Variants in IL20RA observed in about 807,000 individuals in gnomAD.
IL20RA encodes interleukin 20 receptor subunit alpha.
Under a neutral mutation model 36.5 loss-of-function variants are expected in IL20RA, and 29 were observed. The observed-to-expected ratio is 0.79, with a 90% CI of 0.59 to 1.08. The LOEUF (loss-of-function observed/expected upper bound fraction) is 1.08. IL20RA is among the 50% of genes least tolerant of loss of function. The probability of loss-of-function intolerance (pLI) is 0.00; values close to 1 mark genes in which losing one functional copy is unlikely to be tolerated. For missense variants in IL20RA, 652 were observed against 668.4 expected (o/e 0.98, Z 0.27); for synonymous variants, 279 against 267.1 (o/e 1.04, Z -0.43).
intron 1 of IL20RA, chr6:137,037,873 G>A (rs1643042303): frequency 6.6e-6 from 1 of 152,206 alleles, no homozygotes; most frequent in Admixed American, 6.5e-5. Context: ...TTAGAATGAG[G>A]ACTAACAGTG....
chr6:137,041,780 T>C (rs1435190654), intron 1 of IL20RA, among the ~76,000 whole-genome samples: 7 of 151,828 alleles, frequency 4.6e-5, no homozygotes, highest in African/African-American at 7.3e-5. Context: ...TTTTCCTCTT[T>C]GGGGATTTAG....
intron 1 of IL20RA, among the ~76,000 whole-genome samples, chr6:137,029,998 A>G (rs541583169): frequency 6.6e-6 from 1 of 150,542 alleles, no homozygotes; most frequent in Admixed American, 6.6e-5. Flanking sequence ...AGAGCATTAG[A>G]GAAAGGGAGG....
intron 1 of IL20RA, among the ~76,000 whole-genome samples, chr6:137,026,883 T>C (rs145671675): frequency 2.0e-3 from 302 of 152,138 alleles, no homozygotes; most frequent in African/African-American, 6.6e-3. Flanking sequence ...AAAAAGTAAG[T>C]CTTCTTTTTT....
chr6:137,028,721 A>G (rs542534083), intron 1 of IL20RA, among the ~76,000 whole-genome samples: 1 of 152,170 alleles, frequency 6.6e-6, no homozygotes, highest in Non-Finnish European at 1.5e-5. Context: ...TTTACCCACT[A>G]AAGAGAGTGT....
chr6:137,002,321 A>C lies in IL20RA; in HGVS notation c.899T>G (p.Phe300Cys). The C allele has an allele frequency of 6.2e-7, 1 of 1,602,656 alleles. No individual in the cohort carries two copies. The highest frequency in any genetic ancestry group is 8.5e-7 in the Non-Finnish European group (1 of 1,175,792). ...LIYGNEFDKR[F>C]FVPAEKIVIN... ...CACGATTTTTTCAGCAGGCACAAAG[A>C]ATCTTTTGTCAAATTCATTTCCATA... Residue 300 changes from phenylalanine (F) to cysteine (C), a missense_variant, in exon 7 of 7, where the codon TTC (phenylalanine) becomes TGC (cysteine). Phe to Cys is a radical substitution (Grantham distance 205, BLOSUM62 -2). Transcript: ENST00000316649.
At chr6:137,037,099 A>C (rs907580838) in intron 1 of IL20RA, among the ~76,000 whole-genome samples, 30 of 133,368 alleles carry the variant, frequency 2.2e-4, no homozygotes, top group African/African-American at 9.9e-4. Context: ...TATGCAGCCG[A>C]GAAGAAGCGG....
At chr6:137,023,956 C>A (rs1324849957) in intron 1 of IL20RA, among the ~76,000 whole-genome samples, 1 of 151,928 alleles carries the variant, frequency 6.6e-6, no homozygotes, top group African/African-American at 2.4e-5. Context: ...TAGCCAGATA[C>A]AGTGGCAGGC....
Position 137,001,502 on chromosome 6 carries a change from A to C in IL20RA, c.*56T>G. On this transcript the variant is annotated 3_prime_UTR_variant, in exon 7 of 7. Coordinates refer to ENST00000316649, the MANE Select transcript of IL20RA (RefSeq NM_014432.4). ...TCCCAGGTACTTTATGGCTGGGATC[A>C]AAGGGGTGACTCACTTGTTTGCACA... 1 of 1,467,018 alleles carries C rather than the reference A, an allele frequency of 6.8e-7. No individual in the cohort carries two copies. The highest frequency in any genetic ancestry group is 9.1e-7 in the Non-Finnish European group (1 of 1,093,910). 90.9% of individuals were successfully genotyped at this position (1,467,018 alleles called of 1,614,324 possible).
intron 1 of IL20RA, among the ~76,000 whole-genome samples, chr6:137,020,503 AC>A (rs5880326): frequency 0.74 from 104,076 of 141,540 alleles, 42,274 homozygotes; most frequent in East Asian, 0.99. Flanking sequence ...AAAAAAAAAA[AC>A]CCCTCCATTC....
chr6:137,004,909 A>G (rs1315540648), intron 5 of IL20RA, 149 bp from the exon 6 acceptor site: 2 of 706,670 alleles, frequency 2.8e-6, no homozygotes, highest in East Asian at 2.6e-5. Context: ...TACGTTGAGA[A>G]GCTTAAGCTA....
intron 1 of IL20RA, among the ~76,000 whole-genome samples, chr6:137,037,023 CA>C (rs1366299036): frequency 1.3e-5 from 2 of 152,160 alleles, no homozygotes; most frequent in Admixed American, 1.3e-4. Context: ...ACTAGGAGCA[CA>C]TAGCTGCCAA....
chr6:137,006,269 C>A (rs894357302), intron 5 of IL20RA, among the ~76,000 whole-genome samples: 2 of 152,136 alleles, frequency 1.3e-5, no homozygotes, highest in Non-Finnish European at 2.9e-5. Context: ...GTTCCGCATG[C>A]GGGCCTGTTA....
intron 1 of IL20RA, among the ~76,000 whole-genome samples, chr6:137,039,204 C>T (rs1011152032): frequency 6.6e-6 from 1 of 152,176 alleles, no homozygotes; most frequent in Non-Finnish European, 1.5e-5. Flanking sequence ...CTCTCCAGGT[C>T]GCAAATACTG....
At chr6:137,022,228 G>T (rs151329942) in intron 1 of IL20RA, among the ~76,000 whole-genome samples, 1 of 152,194 alleles carries the variant, frequency 6.6e-6, no homozygotes, top group Non-Finnish European at 1.5e-5. Context: ...TAGGAGGTCC[G>T]TTCCTTTTCC....
rs1463549812 is a variant in IL20RA at position 137,008,676 on chromosome 6, A to G, written c.647T>C (p.Val216Ala). The G allele has an allele frequency of 2.5e-6, 4 of 1,609,430 alleles. No individual in the cohort carries two copies. Among genetic ancestry groups the G allele is most frequent in the Middle Eastern group, 1.7e-4 (1 of 6,054 alleles). The change falls in exon 5 of 7, where the codon GTA becomes GCA. Residue 216 changes from valine to alanine, a missense_variant. Coordinates refer to ENST00000316649, the MANE Select transcript of IL20RA (RefSeq NM_014432.4). ...TWLEPNTLYCVHVESFVPGPP... is the reference protein window; with the variant it reads ...TWLEPNTLYCAHVESFVPGPP... Reference sequence around the variant, plus strand: ...CCCTGGGACGAAGGACTCCACGTGTACGCAGTAAAGAGTGTTCGGCTCCAG... The same window carrying G: ...CCCTGGGACGAAGGACTCCACGTGTGCGCAGTAAAGAGTGTTCGGCTCCAG...
chr6:137,004,561 C>T (rs1479597102), intron 6 of IL20RA, 60 bp downstream of exon 6: 6 of 1,478,924 alleles, frequency 4.1e-6, no homozygotes, highest in Non-Finnish European at 5.6e-6. Context: ...AGAACCTCCT[C>T]TTCTGTCCTC....
At chr6:137,009,103 A>G (rs1457936533) in intron 4 of IL20RA, 1 of 610,030 alleles carries the variant, frequency 1.6e-6, no homozygotes, top group Non-Finnish European at 2.9e-6. Flanking sequence ...CTCCAATAAC[A>G]ACACCATATC....
intron 2 of IL20RA, among the ~76,000 whole-genome samples, chr6:137,016,628 C>T (rs1365681624): frequency 1.3e-5 from 2 of 152,156 alleles, no homozygotes; most frequent in Admixed American, 1.3e-4. Flanking sequence ...CACGCGGTTT[C>T]AAGGAGTCTA....
chr6:137,022,036 C>A (rs1301034932), intron 1 of IL20RA, among the ~76,000 whole-genome samples: 1 of 152,138 alleles, frequency 6.6e-6, no homozygotes, highest in Non-Finnish European at 1.5e-5. Flanking sequence ...CTCTTAACCT[C>A]CTCACTCACA....
Sources: allele counts gnomAD v4.1 joint callset (sites outside exome capture counted in the v4.1 genomes callset), GRCh38; gene constraint gnomAD v4.1.1; transcripts MANE v1.5; gene names NCBI Gene and HGNC (gene_info 2026-07-23, HGNC 2026-07-21).